ERLEC1: variants seen among roughly 807,000 people sequenced by gnomAD.
ERLEC1 encodes endoplasmic reticulum lectin 1.
In ERLEC1, 47 loss-of-function variants were observed where a neutral mutation model predicts 68.0. The observed-to-expected ratio is 0.69, with a 90% CI of 0.55 to 0.88. The LOEUF is 0.88. Among genes scored for constraint, ERLEC1 ranks in the 40% least tolerant of loss-of-function variants. The pLI is 0.00. For synonymous variants in ERLEC1, 225 were observed against 203.2 expected (o/e 1.11, Z -0.91); for missense variants, 567 against 583.8 (o/e 0.97, Z 0.30).
intron 6 of ERLEC1, among the ~76,000 whole-genome samples, chr2:53,799,658 A>G (rs1675904160): frequency 6.6e-6 from 1 of 152,194 alleles, no homozygotes; most frequent in African/African-American, 2.4e-5. Flanking sequence ...AAAAATTTTT[A>G]TAGAGTTTTT....
chr2:53,815,663 T>C (rs1335757893), intron 13 of ERLEC1, among the ~76,000 whole-genome samples: 2 of 152,238 alleles, frequency 1.3e-5, no homozygotes, highest in African/African-American at 2.4e-5. Context: ...TGGAATCATA[T>C]AGTGTATAAT....
chr2:53,798,182 G>C (rs1206602370), intron 5 of ERLEC1, among the ~76,000 whole-genome samples: 1 of 152,144 alleles, frequency 6.6e-6, no homozygotes, highest in Non-Finnish European at 1.5e-5. Context: ...GCAACAGAGT[G>C]AGACTCCATT....
chr2:53,815,229 C>A (rs1205695261), intron 13 of ERLEC1, among the ~76,000 whole-genome samples: 1 of 151,960 alleles, frequency 6.6e-6, no homozygotes, highest in Non-Finnish European at 1.5e-5. Context: ...TGGTCTCAAA[C>A]TCCTGACCTC....
intron 12 of ERLEC1, 118 bp from the exon 13 acceptor site, chr2:53,814,742 A>T: frequency 2.0e-6 from 2 of 984,242 alleles, no homozygotes; most frequent in Non-Finnish European, 3.1e-6. Context: ...TAAATTATTG[A>T]TAAAATTATA....
At chr2:53,814,696 C>T in intron 12 of ERLEC1, 76 bp downstream of exon 12, 1 of 1,113,952 alleles carries the variant, frequency 9.0e-7, no homozygotes, top group Non-Finnish European at 1.3e-6. Context: ...TTTATGTAAA[C>T]AGTATAATTA....
intron 3 of ERLEC1, among the ~76,000 whole-genome samples, chr2:53,796,735 C>T (rs949213715): frequency 5.9e-5 from 9 of 152,082 alleles, no homozygotes; most frequent in African/African-American, 9.7e-5. Context: ...CAGGCGTGAG[C>T]GACTGTGCCC....
chr2:53,801,345 G>T (rs956439997), intron 6 of ERLEC1, 52 bp from the exon 7 acceptor site: 35 of 1,382,920 alleles, frequency 2.5e-5, no homozygotes, highest in Non-Finnish European at 3.4e-5. Context: ...CCCACCCCCA[G>T]TCCCATCTCC....
At chr2:53,817,104 G>A (rs1043739543) in intron 13 of ERLEC1, among the ~76,000 whole-genome samples, 7 of 150,672 alleles carry the variant, frequency 4.6e-5, no homozygotes, top group African/African-American at 1.7e-4. Context: ...ATTTCCACTT[G>A]GTTCTTTTTG....
intron 8 of ERLEC1, among the ~76,000 whole-genome samples, chr2:53,804,835 C>A (rs1205716223): frequency 1.3e-5 from 2 of 151,780 alleles, no homozygotes; most frequent in Non-Finnish European, 2.9e-5. Context: ...TAGTAACCAT[C>A]CTTCTACTCT....
At chr2:53,802,579 A>G (rs1372510642) in intron 8 of ERLEC1, among the ~76,000 whole-genome samples, 33 of 152,188 alleles carry the variant, frequency 2.2e-4, no homozygotes, top group Admixed American at 2.2e-3. Flanking sequence ...TCTTTCTGAA[A>G]TCACCCTTTG....
chr2:53,801,856 C>G lies in ERLEC1; in HGVS notation c.879+14C>G. The G allele has an allele frequency of 1.2e-6, 2 of 1,601,508 alleles. No homozygotes were observed. Among genetic ancestry groups the G allele is most frequent in the African/African-American group, 2.7e-5 (2 of 74,480 alleles). ...AGAAATAAAGAGGTATGAGAATTGT[C>G]TAATGATAGCTTTTTGGTGCTTCAT... On this transcript the variant is annotated intron_variant, in intron 8 of 13. Coordinates refer to ENST00000185150, the MANE Select transcript of ERLEC1 (RefSeq NM_015701.5).
chr2:53,814,995 C>CT (rs777632156), intron 13 of ERLEC1, 60 bp downstream of exon 13: 41,768 of 466,140 alleles, frequency 0.09, 546 homozygotes, highest in East Asian at 0.15. Flanking sequence ...ATTTTTTTTT[C>CT]TTTTTTTTTT....
rs994158203 is a variant in ERLEC1 at position 53,801,632 on chromosome 2, A to G, written c.749+12A>G. 2 of 1,612,704 alleles carry G rather than the reference A, an allele frequency of 1.2e-6. No homozygotes were observed. Among genetic ancestry groups the G allele is most frequent in the African/African-American group, 1.3e-5 (1 of 74,888 alleles). On this transcript the variant is annotated intron_variant, in intron 7 of 13. Coordinates refer to ENST00000185150, the MANE Select transcript of ERLEC1 (RefSeq NM_015701.5). Reference sequence around the variant, plus strand: ...CATCCTAAATATAGGTAGGATGTGCATTTAATATTTTAAACATAAAATGCA... The same window carrying G: ...CATCCTAAATATAGGTAGGATGTGCGTTTAATATTTTAAACATAAAATGCA...
chr2:53,807,844 AAACAACAACAAC>A (rs113620205), intron 8 of ERLEC1, among the ~76,000 whole-genome samples: 9 of 150,512 alleles, frequency 6.0e-5, no homozygotes, highest in African/African-American at 2.0e-4. Context: ...TCTGTACTGA[AAACAACAACAAC>A]AACAACAACA....
chr2:53,808,807 A>T (rs761866633), intron 9 of ERLEC1, among the ~76,000 whole-genome samples: 1 of 152,144 alleles, frequency 6.6e-6, no homozygotes, highest in Non-Finnish European at 1.5e-5. Flanking sequence ...TTTAAAAAAA[A>T]AGTTAGAGAC....
At chr2:53,798,105 G>C (rs1440108499) in intron 5 of ERLEC1, among the ~76,000 whole-genome samples, 1 of 152,096 alleles carries the variant, frequency 6.6e-6, no homozygotes, top group East Asian at 1.9e-4. Context: ...TGAGGCAGGA[G>C]CATGGCATGA....
At chr2:53,791,906 TAAAAA>T (rs569591198) in intron 1 of ERLEC1, among the ~76,000 whole-genome samples, 1,439 of 117,748 alleles carry the variant, frequency 0.012, 24 homozygotes, top group African/African-American at 0.045. Context: ...AATGCTCTTT[TAAAAA>T]AAAAAAAAAA....
intron 2 of ERLEC1, among the ~76,000 whole-genome samples, chr2:53,795,453 C>G (rs967987664): frequency 6.6e-6 from 1 of 152,136 alleles, no homozygotes; most frequent in Non-Finnish European, 1.5e-5. Flanking sequence ...GAGACACACA[C>G]ACACACGCAC....
Position 53,797,508 on chromosome 2 carries a change from T to G in ERLEC1, c.349-7T>G, listed in dbSNP as rs909704931. 1 of 1,604,108 alleles carries G rather than the reference T, an allele frequency of 6.2e-7. No individual in the cohort carries two copies. Among genetic ancestry groups the G allele is most frequent in the Non-Finnish European group, 8.5e-7 (1 of 1,175,586 alleles). ...TTTGTGCATTGAAATATATCCATCT[T>G]TTTTAGATTGAGTCTTATTGGACTT... On this transcript the variant is annotated splice_region_variant and splice_polypyrimidine_tract_variant and intron_variant, in intron 3 of 13. Coordinates refer to ENST00000185150, the MANE Select transcript of ERLEC1 (RefSeq NM_015701.5).
Sources: allele counts gnomAD v4.1 joint callset (sites outside exome capture counted in the v4.1 genomes callset), GRCh38; gene constraint gnomAD v4.1.1; transcripts MANE v1.5; gene names NCBI Gene and HGNC (gene_info 2026-07-23, HGNC 2026-07-21).